Variants in CNTNAP2 observed in about 807,000 individuals in gnomAD.
CNTNAP2 encodes contactin associated protein 2.
CNTNAP2 carries 98 observed loss-of-function variants against 155.2 expected under a neutral mutation model. That is an observed-to-expected ratio of 0.63 (90% confidence interval 0.54 to 0.75). The LOEUF (loss-of-function observed/expected upper bound fraction) is 0.75, where lower values mean the gene tolerates loss of function less well. CNTNAP2 is among the 30% of genes least tolerant of loss of function. The pLI is 0.00. For synonymous variants in CNTNAP2, 651 were observed against 631.2 expected, an observed-to-expected ratio of 1.03 and a Z score of -0.47; for missense variants, 1,727 against 1,688.1, an observed-to-expected ratio of 1.02 and a Z score of -0.40.
chr7:146,321,217 C>T (rs1800995688), intron 1 of CNTNAP2, among the ~76,000 whole-genome samples: 1 of 151,998 alleles, frequency 6.6e-6, no homozygotes, highest in African/African-American at 2.4e-5. Flanking sequence ...TAAAACAAAC[C>T]CCAAGTTATC....
intron 3 of CNTNAP2, among the ~76,000 whole-genome samples, chr7:146,907,115 AG>A (rs1796150080): frequency 6.6e-6 from 1 of 152,034 alleles, no homozygotes; most frequent in African/African-American, 2.4e-5. Flanking sequence ...AAGAATAAAA[AG>A]AAATGAGCAA....
At chr7:147,166,622 C>CA (rs2116465890) in intron 8 of CNTNAP2, among the ~76,000 whole-genome samples, 1 of 152,230 alleles carries the variant, frequency 6.6e-6, no homozygotes, top group East Asian at 1.9e-4. Flanking sequence ...CTGTTTATTT[C>CA]ACCTGGGTGC....
intron 1 of CNTNAP2, among the ~76,000 whole-genome samples, chr7:146,294,532 ATGTACT>A (rs1490508826): frequency 6.6e-6 from 1 of 152,220 alleles, no homozygotes; most frequent in Non-Finnish European, 1.5e-5. Flanking sequence ...TATATGATTA[ATGTACT>A]TGTCAGTGTC....
intron 15 of CNTNAP2, among the ~76,000 whole-genome samples, chr7:148,061,952 G>GTT (rs1803151281): frequency 9.5e-6 from 1 of 105,048 alleles, no homozygotes; most frequent in African/African-American, 4.0e-5. Flanking sequence ...TAGATAAACA[G>GTT]ATATAGATAG....
chr7:146,269,339 AAATC>A (rs149360313), intron 1 of CNTNAP2, among the ~76,000 whole-genome samples: 15,259 of 149,644 alleles, frequency 0.1, 2,303 homozygotes, highest in African/African-American at 0.33. Context: ...ACTCCATCTC[AAATC>A]AATCAATCAA....
chr7:148,195,859 A>C (rs1330143033), intron 18 of CNTNAP2, among the ~76,000 whole-genome samples: 1 of 152,126 alleles, frequency 6.6e-6, no homozygotes, highest in East Asian at 1.9e-4. Flanking sequence ...ATATTTCCTG[A>C]GCAATTGAAC....
chr7:146,334,429 T>TAAAA (rs1563043211), intron 1 of CNTNAP2, among the ~76,000 whole-genome samples: 2 of 87,032 alleles, frequency 2.3e-5, no homozygotes, highest in African/African-American at 9.6e-5. Context: ...AGACTCCGTC[T>TAAAA]CAAAAAAAAA....
intron 3 of CNTNAP2, among the ~76,000 whole-genome samples, chr7:147,014,930 A>AT (rs1798692436): frequency 2.0e-5 from 3 of 152,184 alleles, no homozygotes; most frequent in Non-Finnish European, 2.9e-5. Flanking sequence ...TTAATACAGA[A>AT]TATTAAGATT....
intron 13 of CNTNAP2, among the ~76,000 whole-genome samples, chr7:147,842,737 C>A (rs1209959939): frequency 2.3e-5 from 2 of 86,354 alleles, no homozygotes; most frequent in African/African-American, 8.9e-5. Context: ...TGCTATCCCT[C>A]CCCCCTCCCC....
At chr7:147,465,517 T>C (rs1352196769) in intron 10 of CNTNAP2, among the ~76,000 whole-genome samples, 1 of 152,166 alleles carries the variant, frequency 6.6e-6, no homozygotes. Context: ...CATAGGGAGA[T>C]TTGACTTCAT....
intron 1 of CNTNAP2, among the ~76,000 whole-genome samples, chr7:146,645,982 G>A (rs1799804829): frequency 6.6e-6 from 1 of 152,078 alleles, no homozygotes; most frequent in African/African-American, 2.4e-5. Flanking sequence ...ATTAAGCTAT[G>A]GGAAAAGTCA....
intron 2 of CNTNAP2, among the ~76,000 whole-genome samples, chr7:146,836,138 A>T (rs1223968006): frequency 2.6e-5 from 4 of 152,230 alleles, no homozygotes; most frequent in African/African-American, 9.6e-5. Context: ...TATTCCATAG[A>T]TAGCACCCAT....
intron 13 of CNTNAP2, among the ~76,000 whole-genome samples, chr7:147,699,957 T>C (rs752949417): frequency 2.0e-5 from 3 of 152,204 alleles, no homozygotes; most frequent in Non-Finnish European, 4.4e-5. Context: ...ATATCTGGCT[T>C]CTTGTACTTA....
intron 1 of CNTNAP2, among the ~76,000 whole-genome samples, chr7:146,650,015 A>G (rs1799880240): frequency 6.6e-6 from 1 of 152,198 alleles, no homozygotes; most frequent in Non-Finnish European, 1.5e-5. Flanking sequence ...AGGAAACAAA[A>G]GATGCTGGAG....
At chr7:148,410,774 T>C (rs957111704) in intron 23 of CNTNAP2, among the ~76,000 whole-genome samples, 3 of 151,538 alleles carry the variant, frequency 2.0e-5, no homozygotes, top group Admixed American at 1.3e-4. Context: ...GTAACAGAGA[T>C]TGGGAAAGTT....
intron 1 of CNTNAP2, among the ~76,000 whole-genome samples, chr7:146,537,421 G>A (rs1797885600): frequency 6.6e-6 from 1 of 151,882 alleles, no homozygotes; most frequent in Non-Finnish European, 1.5e-5. Context: ...TACTTACTAA[G>A]TTTGTATCAA....
intron 15 of CNTNAP2, among the ~76,000 whole-genome samples, chr7:148,008,753 C>A (rs936570238): frequency 3.3e-5 from 5 of 152,234 alleles, no homozygotes; most frequent in African/African-American, 9.6e-5. Context: ...AACAATGACA[C>A]ATTCAGCTAT....
At chr7:147,410,408 G>A (rs1359205406) in intron 10 of CNTNAP2, among the ~76,000 whole-genome samples, 7 of 152,118 alleles carry the variant, frequency 4.6e-5, no homozygotes, top group Non-Finnish European at 1.0e-4. Context: ...GATGGGAGGA[G>A]GGAGAGGATC....
chr7:146,802,018 T>A (rs942762270), intron 2 of CNTNAP2, among the ~76,000 whole-genome samples: 11 of 152,108 alleles, frequency 7.2e-5, no homozygotes, highest in Admixed American at 5.9e-4. Flanking sequence ...TAGAAAAAAA[T>A]TTAGATAGAA....
Sources: gnomAD v4.1 joint callset for allele counts (sites outside exome capture counted in the v4.1 genomes callset) on GRCh38, gnomAD v4.1.1 for gene constraint, MANE v1.5 for transcripts, NCBI Gene and HGNC (gene_info 2026-07-23, HGNC 2026-07-21) for gene names.